Variants in BARD1 observed in about 807,000 individuals in gnomAD.
BARD1 encodes the protein BRCA1 associated RING domain 1.
Under a neutral mutation model 77.0 loss-of-function variants are expected in BARD1, and 73 were observed. The ratio of observed to expected loss-of-function variants is 0.95; its 90% CI spans 0.79 to 1.15. The LOEUF (loss-of-function observed/expected upper bound fraction) is 1.15. BARD1 is among the 50% of genes most tolerant of loss of function. The probability of loss-of-function intolerance (pLI) is 0.00; values close to 1 mark genes in which losing one functional copy is unlikely to be tolerated. For synonymous variants in BARD1, 384 were observed against 338.0 expected (o/e 1.14, Z -1.49); for missense variants, 993 against 938.8 (o/e 1.06, Z -0.75).
intron 9 of BARD1, among the ~76,000 whole-genome samples, chr2:214,740,978 G>A (rs1692797221): frequency 6.6e-6 from 1 of 151,954 alleles, no homozygotes; most frequent in Non-Finnish European, 1.5e-5. Flanking sequence ...AGTACTCTCA[G>A]TATCCATTTA....
chr2:214,754,954 G>A (rs779299971), intron 6 of BARD1, among the ~76,000 whole-genome samples: 17 of 152,056 alleles, frequency 1.1e-4, no homozygotes, highest in African/African-American at 3.6e-4. Flanking sequence ...CATGTGGGAC[G>A]TTCAAAGACC....
chr2:214,780,957 T>G lies in BARD1; in HGVS notation c.917A>C (p.Asn306Thr), dbSNP rs1326117428. The G allele has an allele frequency of 6.2e-7, 1 of 1,613,606 alleles. No homozygotes were observed. Among genetic ancestry groups the G allele is most frequent in the Non-Finnish European group, 8.5e-7 (1 of 1,179,836 alleles). ...EVVTPEKVCK[N>T]YLTSKKSLPL... ...CAAAGATTTCTTAGATGTAAGATAA[T>G]TTTTGCAGACCTTCTCAGGAGTCAC... The change falls in exon 4 of 11, where the codon AAT becomes ACT. Residue 306 changes from asparagine (N) to threonine (T), a missense_variant. Coordinates refer to ENST00000260947, the MANE Select transcript of BARD1 (RefSeq NM_000465.4).
chr2:214,796,356 C>A (rs1018257839), intron 2 of BARD1, among the ~76,000 whole-genome samples: 1 of 152,170 alleles, frequency 6.6e-6, no homozygotes, highest in Non-Finnish European at 1.5e-5. Flanking sequence ...GAAAAAGAGG[C>A]TCTAGACGAT....
intron 2 of BARD1, among the ~76,000 whole-genome samples, chr2:214,793,443 T>G (rs565118887): frequency 1.3e-5 from 2 of 152,334 alleles, no homozygotes; most frequent in Admixed American, 1.3e-4. Flanking sequence ...GTCAACTTTC[T>G]TTAGCAAAGG....
chr2:214,755,485 CCTA>C (rs1168646443), intron 6 of BARD1, among the ~76,000 whole-genome samples: 1 of 152,132 alleles, frequency 6.6e-6, no homozygotes, highest in African/African-American at 2.4e-5. Context: ...TGCCTATAAT[CCTA>C]CTGAGGATAA....
chr2:214,754,908 A>G (rs1418282873), intron 6 of BARD1, among the ~76,000 whole-genome samples: 1 of 152,176 alleles, frequency 6.6e-6, no homozygotes, highest in Admixed American at 6.6e-5. Context: ...CTGCTTTGTC[A>G]TGAACCATTA....
chr2:214,769,345 C>T (rs1415988339), intron 4 of BARD1, 33 bp from the exon 5 acceptor site: 5 of 1,540,624 alleles, frequency 3.2e-6, no homozygotes, highest in Non-Finnish European at 9.0e-7. Flanking sequence ...AATTAAAAAG[C>T]ATTAAGGAAA....
chr2:214,775,582 C>A (rs1694701423), intron 4 of BARD1, among the ~76,000 whole-genome samples: 1 of 152,150 alleles, frequency 6.6e-6, no homozygotes. Context: ...CAGAGACACA[C>A]TGAGCATAGG....
chr2:214,804,428 T>A (rs1696173133), intron 1 of BARD1, among the ~76,000 whole-genome samples: 1 of 152,182 alleles, frequency 6.6e-6, no homozygotes, highest in South Asian at 2.1e-4. Context: ...AATATATAAC[T>A]GAAGGAGACA....
intron 2 of BARD1, among the ~76,000 whole-genome samples, chr2:214,796,217 T>C (rs1055365369): frequency 3.3e-5 from 5 of 152,192 alleles, no homozygotes; most frequent in African/African-American, 9.7e-5. Context: ...AAAAATCTAA[T>C]CTTCTGACCT....
chr2:214,809,397 A>C lies in BARD1; in HGVS notation c.158+15T>G, dbSNP rs1232574568. The C allele has an allele frequency of 6.2e-7, 1 of 1,612,242 alleles. No homozygotes were observed. Among genetic ancestry groups the C allele is most frequent in the Admixed American group, 1.7e-5 (1 of 59,980 alleles). On this transcript the variant is annotated intron_variant, in intron 1 of 10. Coordinates refer to ENST00000260947, the MANE Select transcript of BARD1 (RefSeq NM_000465.4). ...CCGTGCCCTCGCAGCCACCCCCAAG[A>C]AGCTCCGTCTTTACCAACGCGAGCA...
intron 3 of BARD1, among the ~76,000 whole-genome samples, chr2:214,782,104 G>T (rs1422542724): frequency 6.6e-6 from 1 of 152,116 alleles, no homozygotes; most frequent in Non-Finnish European, 1.5e-5. Flanking sequence ...ACTTCAAAAC[G>T]TATCTCTGAC....
At chr2:214,774,007 G>A (rs1443548729) in intron 4 of BARD1, among the ~76,000 whole-genome samples, 2 of 152,200 alleles carry the variant, frequency 1.3e-5, no homozygotes, top group Non-Finnish European at 2.9e-5. Context: ...TTCACCAGAA[G>A]TAGATTCCAT....
chr2:214,799,174 G>A (rs184276149), intron 1 of BARD1, among the ~76,000 whole-genome samples: 5 of 152,180 alleles, frequency 3.3e-5, no homozygotes, highest in Admixed American at 1.3e-4. Context: ...GGTAGTGCAC[G>A]CCTGTAATCC....
At chr2:214,730,763 T>C in intron 9 of BARD1, 1 of 496,122 alleles carries the variant, frequency 2.0e-6, no homozygotes, top group South Asian at 2.0e-5. Context: ...ACACTAACTG[T>C]AATTTTAATC....
chr2:214,732,101 T>C (rs948392142), intron 9 of BARD1, among the ~76,000 whole-genome samples: 3 of 152,192 alleles, frequency 2.0e-5, no homozygotes, highest in African/African-American at 4.8e-5. Flanking sequence ...GGATTAGACA[T>C]ATATGTTGGA....
intron 1 of BARD1, among the ~76,000 whole-genome samples, chr2:214,807,953 T>C (rs1206911074): frequency 6.6e-6 from 1 of 152,212 alleles, no homozygotes; most frequent in African/African-American, 2.4e-5. Context: ...ATGACCCATG[T>C]GCTACAGGAA....
intron 6 of BARD1, among the ~76,000 whole-genome samples, chr2:214,762,297 T>A (rs1380716728): frequency 1.3e-5 from 2 of 152,204 alleles, no homozygotes; most frequent in African/African-American, 4.8e-5. Context: ...GACATCTCAT[T>A]ACGTATATGC....
chr2:214,750,092 T>C (rs1259083923), intron 7 of BARD1, among the ~76,000 whole-genome samples: 1 of 152,148 alleles, frequency 6.6e-6, no homozygotes, highest in African/African-American at 2.4e-5. Context: ...ATCCTTGACC[T>C]CAGCTCCTCC....
Sources: allele counts gnomAD v4.1 joint callset (sites outside exome capture counted in the v4.1 genomes callset), GRCh38; gene constraint gnomAD v4.1.1; transcripts MANE v1.5; gene names NCBI Gene and HGNC (gene_info 2026-07-23, HGNC 2026-07-21).